SLC24A3: variants seen among roughly 807,000 people sequenced by gnomAD.
SLC24A3 encodes the protein sodium/potassium/calcium exchanger 3.
SLC24A3 carries 28 observed loss-of-function variants against 75.8 expected under a neutral mutation model. The ratio of observed to expected loss-of-function variants is 0.37; its 90% CI spans 0.27 to 0.51. The LOEUF is 0.51. SLC24A3 is among the 20% of genes least tolerant of loss of function. The pLI is 0.94. For missense variants in SLC24A3, 663 were observed against 847.8 expected (o/e 0.78, Z 2.71); for synonymous variants, 372 against 334.1 (o/e 1.11, Z -1.24).
chr20:19,318,478 C>G, intron 2 of SLC24A3, among the ~76,000 whole-genome samples: 1 of 152,176 alleles, frequency 6.6e-6, no homozygotes. Flanking sequence ...CCTCCTCATC[C>G]CTAGTACTGA....
intron 1 of SLC24A3, among the ~76,000 whole-genome samples, chr20:19,259,279 A>G (rs762702505): frequency 6.6e-6 from 1 of 152,206 alleles, no homozygotes; most frequent in Non-Finnish European, 1.5e-5. Context: ...CACCGTACAG[A>G]TGTCTCAGGA....
chr20:19,528,255 C>T (rs1179931705), intron 3 of SLC24A3, among the ~76,000 whole-genome samples: 5 of 152,108 alleles, frequency 3.3e-5, no homozygotes, highest in South Asian at 4.1e-4. Flanking sequence ...AATTTGGAAC[C>T]GGATCCCAAA....
chr20:19,318,223 T>C (rs1259212854), intron 2 of SLC24A3, among the ~76,000 whole-genome samples: 1 of 152,222 alleles, frequency 6.6e-6, no homozygotes, highest in African/African-American at 2.4e-5. Flanking sequence ...ACACAAGCTT[T>C]ATGGGCAGCC....
At chr20:19,426,996 C>G (rs1042271272) in intron 2 of SLC24A3, among the ~76,000 whole-genome samples, 2 of 152,108 alleles carry the variant, frequency 1.3e-5, no homozygotes, top group African/African-American at 4.8e-5. Flanking sequence ...GGTGTCCACA[C>G]TAGGACAGGA....
chr20:19,401,602 T>C (rs1450258543), intron 2 of SLC24A3, among the ~76,000 whole-genome samples: 1 of 152,202 alleles, frequency 6.6e-6, no homozygotes, highest in Non-Finnish European at 1.5e-5. Flanking sequence ...AGGAACCTGA[T>C]TGGAGAGTGG....
Position 19,663,746 on chromosome 20 carries a change from C to T in SLC24A3, c.688-2118C>T, listed in dbSNP as rs6046233. Among the ~76,000 whole-genome samples, 120 of 152,068 alleles carry T rather than the reference C, an allele frequency of 7.9e-4. 1 individual carries two copies. Among genetic ancestry groups the T allele is most frequent in the African/African-American group, 2.7e-3 (114 of 41,482 alleles). ...TCTGGACCTAATTGCATATTTTGTC[C>T]AATCTCACCCGGATTTGCCCACTGT... On this transcript the variant is annotated intron_variant, in intron 7 of 16. Transcript: ENST00000328041.
At chr20:19,321,253 CAA>C (rs1758916164) in intron 2 of SLC24A3, among the ~76,000 whole-genome samples, 1 of 152,136 alleles carries the variant, frequency 6.6e-6, no homozygotes, top group Non-Finnish European at 1.5e-5. Flanking sequence ...TTATCACACT[CAA>C]GACATTGGAG....
intron 2 of SLC24A3, among the ~76,000 whole-genome samples, chr20:19,376,506 C>T (rs1268379211): frequency 1.3e-5 from 2 of 152,192 alleles, no homozygotes; most frequent in African/African-American, 2.4e-5. Flanking sequence ...GGCAGGCTAT[C>T]GTTCTAGCCC....
chr20:19,581,765 A>G (rs1441241647), intron 4 of SLC24A3, among the ~76,000 whole-genome samples: 3 of 152,176 alleles, frequency 2.0e-5, no homozygotes, highest in African/African-American at 7.2e-5. Context: ...TAGAGTCACT[A>G]TTTGAGCCCA....
At chr20:19,294,350 C>T (rs1240363441) in intron 2 of SLC24A3, among the ~76,000 whole-genome samples, 1 of 151,944 alleles carries the variant, frequency 6.6e-6, no homozygotes, top group East Asian at 1.9e-4. Flanking sequence ...CAGGTTTGTG[C>T]TTTGGTGATT....
intron 2 of SLC24A3, among the ~76,000 whole-genome samples, chr20:19,396,644 A>C (rs1418128470): frequency 6.6e-6 from 1 of 152,240 alleles, no homozygotes; most frequent in African/African-American, 2.4e-5. Context: ...GTTGGAATGA[A>C]ACATGATCAG....
intron 2 of SLC24A3, among the ~76,000 whole-genome samples, chr20:19,413,806 T>A (rs1986785210): frequency 6.6e-6 from 1 of 152,212 alleles, no homozygotes. Context: ...CATCATGGAA[T>A]CAATCAATAG....
rs1478791145 is a variant in SLC24A3 at position 19,237,305 on chromosome 20, A to G, written c.142+24321A>G. Among the ~76,000 whole-genome samples, 5 of 150,962 alleles carry G rather than the reference A, an allele frequency of 3.3e-5. No individual in the cohort carries two copies. In the South Asian group the frequency reaches 1.1e-3, roughly 32 times the overall value. ...TCTGGTGTGGATGGCGGGGTCGTGC[A>G]TCTGGATTTGGTTAGCTGGCTGGCC... On this transcript the variant is annotated intron_variant, in intron 1 of 16. Coordinates refer to ENST00000328041, the MANE Select transcript of SLC24A3 (RefSeq NM_020689.4).
chr20:19,627,617 G>A (rs1169350257), intron 6 of SLC24A3, among the ~76,000 whole-genome samples: 2 of 152,026 alleles, frequency 1.3e-5, no homozygotes, highest in Non-Finnish European at 2.9e-5. Context: ...AATAAATAAA[G>A]GAACAACAAG....
At chr20:19,454,173 G>A (rs1048490748) in intron 2 of SLC24A3, among the ~76,000 whole-genome samples, 7 of 152,152 alleles carry the variant, frequency 4.6e-5, no homozygotes, top group Non-Finnish European at 1.0e-4. Flanking sequence ...ATGGTGTGGG[G>A]AGAGGCTGGG....
At chr20:19,538,729 G>A (rs76864243) in intron 3 of SLC24A3, among the ~76,000 whole-genome samples, 2,609 of 152,260 alleles carry the variant, frequency 0.017, 74 homozygotes, top group African/African-American at 0.057. Context: ...TAGTAGAGCT[G>A]AACATATGCA....
chr20:19,467,009 C>T (rs892703654), intron 2 of SLC24A3, among the ~76,000 whole-genome samples: 5 of 152,172 alleles, frequency 3.3e-5, no homozygotes, highest in Admixed American at 1.3e-4. Context: ...AACAAATAAT[C>T]GAGGTAATGA....
At chr20:19,287,519 A>C (rs867020147) in intron 2 of SLC24A3, among the ~76,000 whole-genome samples, 6 of 152,230 alleles carry the variant, frequency 3.9e-5, no homozygotes, top group Non-Finnish European at 7.3e-5. Flanking sequence ...ATTTTTCTTT[A>C]TGCTTATCTC....
At chr20:19,235,771 A>G (rs1206327248) in intron 1 of SLC24A3, among the ~76,000 whole-genome samples, 13 of 152,202 alleles carry the variant, frequency 8.5e-5, no homozygotes, top group Non-Finnish European at 8.8e-5. Context: ...CAGAACATCC[A>G]TTCATATGTC....
Sources: gnomAD v4.1 joint callset for allele counts (sites outside exome capture counted in the v4.1 genomes callset) on GRCh38, gnomAD v4.1.1 for gene constraint, MANE v1.5 for transcripts, NCBI Gene and HGNC (gene_info 2026-07-23, HGNC 2026-07-21) for gene names.